The following CNTNAP2 variants were observed in gnomAD, a reference collection of about 807,000 sequenced individuals.
CNTNAP2 encodes the protein contactin associated protein 2.
A neutral mutation model predicts 155.2 loss-of-function variants in CNTNAP2; 98 were observed. The ratio of observed to expected loss-of-function variants is 0.63; its 90% CI spans 0.54 to 0.75. The LOEUF (loss-of-function observed/expected upper bound fraction) is 0.75, where lower values mean the gene tolerates loss of function less well. CNTNAP2 is among the 30% of genes least tolerant of loss of function. The probability of loss-of-function intolerance (pLI) is 0.00; values close to 1 mark genes in which losing one functional copy is unlikely to be tolerated. For missense variants in CNTNAP2, 1,727 were observed against 1,688.1 expected (o/e 1.02, Z -0.40); for synonymous variants, 651 against 631.2 (o/e 1.03, Z -0.47).
chr7:147,705,058 G>A (rs369506794), intron 13 of CNTNAP2, among the ~76,000 whole-genome samples: 13 of 151,546 alleles, frequency 8.6e-5, no homozygotes, highest in South Asian at 4.2e-4. Flanking sequence ...TCTCTGTTTC[G>A]TTTAGTTCTA....
At chr7:147,103,412 C>T (rs13238590) in intron 4 of CNTNAP2, among the ~76,000 whole-genome samples, 73,555 of 151,864 alleles carry the variant, frequency 0.48, 18,847 homozygotes, top group African/African-American at 0.66. Context: ...GTGTGTGAAA[C>T]TTGCAAAATA....
At position 146,706,821 on chromosome 7, in the gene CNTNAP2, G is replaced by C. The variant is rs1800973769; in HGVS notation, c.98-67450G>C. 4.0e-5 allele frequency among the ~76,000 whole-genome samples: 6 copies of C among 151,526 alleles called. No homozygotes were observed. In the South Asian group the frequency reaches 1.3e-3, roughly 32 times the overall value. Reference sequence around the variant, plus strand: ...CAGGAAAAATAACTAATAGGTACTAGGTTTAATACCTGGGCAATGAAATCT... The same window carrying C: ...CAGGAAAAATAACTAATAGGTACTACGTTTAATACCTGGGCAATGAAATCT... On this transcript the variant is annotated intron_variant, in intron 1 of 23. Transcript: ENST00000361727.
intron 5 of CNTNAP2, among the ~76,000 whole-genome samples, chr7:147,113,960 A>T (rs1435337775): frequency 6.6e-6 from 1 of 152,010 alleles, no homozygotes; most frequent in Non-Finnish European, 1.5e-5. Context: ...TAGGGCCACA[A>T]ATTTCCCTCT....
At chr7:146,633,695 G>C (rs1386214269) in intron 1 of CNTNAP2, among the ~76,000 whole-genome samples, 2 of 151,934 alleles carry the variant, frequency 1.3e-5, no homozygotes, top group African/African-American at 4.8e-5. Flanking sequence ...CGGGCATGAT[G>C]GTGGGCGCCT....
intron 13 of CNTNAP2, among the ~76,000 whole-genome samples, chr7:147,726,450 G>C (rs910432257): frequency 4.6e-5 from 7 of 152,026 alleles, no homozygotes; most frequent in African/African-American, 1.4e-4. Flanking sequence ...ACCGCAAAGA[G>C]GGTGGACTAT....
chr7:146,247,484 T>G (rs1799679982), intron 1 of CNTNAP2, among the ~76,000 whole-genome samples: 1 of 151,718 alleles, frequency 6.6e-6, no homozygotes. Flanking sequence ...CAGCGAAGCT[T>G]GGGGTTGGGA....
At chr7:146,277,164 G>A (rs1800178016) in intron 1 of CNTNAP2, among the ~76,000 whole-genome samples, 1 of 152,136 alleles carries the variant, frequency 6.6e-6, no homozygotes. Context: ...GGAGCAACCA[G>A]AGGCTGGAAG....
chr7:148,322,301 A>G (rs896817067), intron 21 of CNTNAP2, among the ~76,000 whole-genome samples: 1 of 152,160 alleles, frequency 6.6e-6, no homozygotes, highest in African/African-American at 2.4e-5. Flanking sequence ...GCCAACCTAC[A>G]TTGGTCTACT....
At chr7:146,512,512 T>G (rs1473734058) in intron 1 of CNTNAP2, among the ~76,000 whole-genome samples, 2 of 151,858 alleles carry the variant, frequency 1.3e-5, no homozygotes, top group Non-Finnish European at 2.9e-5. Context: ...TTTCTTTTTT[T>G]TTTCAAATTG....
chr7:146,700,945 A>G (rs1189700169), intron 1 of CNTNAP2, among the ~76,000 whole-genome samples: 1 of 152,162 alleles, frequency 6.6e-6, no homozygotes. Flanking sequence ...TTGAAAGAGC[A>G]CATAAAATTA....
chr7:147,059,671 C>G (rs1421192776), intron 4 of CNTNAP2, among the ~76,000 whole-genome samples: 1 of 152,088 alleles, frequency 6.6e-6, no homozygotes, highest in Non-Finnish European at 1.5e-5. Context: ...GAGCAATAAG[C>G]AGCATTTATT....
chr7:146,450,071 A>T (rs1401753156), intron 1 of CNTNAP2, among the ~76,000 whole-genome samples: 1 of 152,196 alleles, frequency 6.6e-6, no homozygotes, highest in Non-Finnish European at 1.5e-5. Flanking sequence ...TTATTTACCA[A>T]CACTGTTTCT....
At chr7:146,802,141 G>A (rs1802889429) in intron 2 of CNTNAP2, among the ~76,000 whole-genome samples, 1 of 152,178 alleles carries the variant, frequency 6.6e-6, no homozygotes, top group East Asian at 1.9e-4. Context: ...TAGGTCAGAA[G>A]TCCATGTGGA....
In CNTNAP2 at chr7:146,328,515, CTG is replaced by C. The variant is rs36098013; in HGVS notation, c.97+211570_97+211571del. On this transcript the variant is annotated intron_variant, in intron 1 of 23. Coordinates refer to ENST00000361727, the MANE Select transcript of CNTNAP2 (RefSeq NM_014141.6). Reference sequence around the variant, plus strand: ...ACACATCCATAATTCACTTAGCGACCTGTGTGTGTGTGTGTGTGTGTGTGTGT... The same window carrying C: ...ACACATCCATAATTCACTTAGCGACCTGTGTGTGTGTGTGTGTGTGTGTGT... Among the ~76,000 whole-genome samples the C allele has an allele frequency of 3.4e-3, 497 of 146,662 alleles. 1 individual carries two copies. The highest frequency in any genetic ancestry group is 6.0e-3 in the East Asian group (30 of 5,004).
intron 5 of CNTNAP2, among the ~76,000 whole-genome samples, chr7:147,112,282 G>C (rs1455692987): frequency 2.6e-5 from 4 of 152,134 alleles, no homozygotes; most frequent in African/African-American, 9.7e-5. Context: ...GGGCTGAGAT[G>C]ATGAGGTTTC....
intron 1 of CNTNAP2, among the ~76,000 whole-genome samples, chr7:146,633,260 CAG>C (rs1032955653): frequency 2.6e-5 from 4 of 152,170 alleles, no homozygotes; most frequent in Admixed American, 2.0e-4. Flanking sequence ...GTTTGGGAGT[CAG>C]AAACCTTTTG....
chr7:147,015,293 T>A (rs1168854773), intron 3 of CNTNAP2, among the ~76,000 whole-genome samples: 2 of 152,264 alleles, frequency 1.3e-5, no homozygotes, highest in East Asian at 3.9e-4. Context: ...AGAGTAGGGT[T>A]ACTGGGGGAA....
At chr7:146,353,639 A>C (rs1794954747) in intron 1 of CNTNAP2, among the ~76,000 whole-genome samples, 1 of 152,200 alleles carries the variant, frequency 6.6e-6, no homozygotes. Context: ...AGGTAGTTTG[A>C]AATCCTCTTA....
At chr7:147,605,065 G>T (rs1801034823) in intron 12 of CNTNAP2, among the ~76,000 whole-genome samples, 1 of 136,252 alleles carries the variant, frequency 7.3e-6, no homozygotes, top group African/African-American at 2.9e-5. Context: ...CAAGTGATTT[G>T]TCCAAGTTCA....
Sources: gnomAD v4.1 joint callset for allele counts (sites outside exome capture counted in the v4.1 genomes callset) on GRCh38, gnomAD v4.1.1 for gene constraint, MANE v1.5 for transcripts, NCBI Gene and HGNC (gene_info 2026-07-23, HGNC 2026-07-21) for gene names.